The following MCCC1 variants were observed in gnomAD, a reference collection of about 807,000 sequenced individuals.
MCCC1 encodes methylcrotonoyl-CoA carboxylase subunit alpha, mitochondrial.
A neutral mutation model predicts 83.8 loss-of-function variants in MCCC1; 64 were observed. The observed-to-expected ratio is 0.76, with a 90% CI of 0.62 to 0.94. The LOEUF (loss-of-function observed/expected upper bound fraction) is 0.94, where lower values mean the gene tolerates loss of function less well. MCCC1 is among the 40% of genes least tolerant of loss of function. The pLI is 0.00. For missense variants in MCCC1, 807 were observed against 904.7 expected (o/e 0.89, Z 1.39); for synonymous variants, 322 against 315.4 (o/e 1.02, Z -0.22).
chr3:183,019,090 G>C (rs1485181225), intron 17 of MCCC1, among the ~76,000 whole-genome samples: 1 of 152,092 alleles, frequency 6.6e-6, no homozygotes, highest in Non-Finnish European at 1.5e-5. Flanking sequence ...TACCCACTTG[G>C]GGTAAATATT....
chr3:183,032,382 TG>T, intron 14 of MCCC1, among the ~76,000 whole-genome samples: 1 of 152,326 alleles, frequency 6.6e-6, no homozygotes, highest in Admixed American at 6.5e-5. Flanking sequence ...CTTCCAGATT[TG>T]GGGGGTTGTA....
chr3:183,100,807 G>A (rs1429972389), upstream of MCCC1, among the ~76,000 whole-genome samples: 2 of 152,374 alleles, frequency 1.3e-5, no homozygotes, highest in African/African-American at 4.8e-5. Context: ...CATTTGAGGA[G>A]CCCTTCAGTC....
chr3:183,062,169 C>T (rs1223044335), intron 7 of MCCC1, among the ~76,000 whole-genome samples: 1 of 152,074 alleles, frequency 6.6e-6, no homozygotes, highest in Non-Finnish European at 1.5e-5. Flanking sequence ...TATCCAGTTG[C>T]AGGTATGTCT....
intron 2 of MCCC1, 52 bp downstream of exon 2, chr3:183,094,507 A>T (rs1218389014): frequency 2.6e-6 from 4 of 1,564,158 alleles, no homozygotes; most frequent in Non-Finnish European, 3.5e-6. Flanking sequence ...CCCTTTCTTA[A>T]ACACTTCCAG....
chr3:183,049,455 C>T (rs2108492450), intron 9 of MCCC1, among the ~76,000 whole-genome samples: 1 of 151,786 alleles, frequency 6.6e-6, no homozygotes, highest in African/African-American at 2.4e-5. Flanking sequence ...CCTGTAGTTC[C>T]CAGCTACTCG....
chr3:183,070,843 C>T (rs960521572), intron 7 of MCCC1, among the ~76,000 whole-genome samples, 156 bp downstream of exon 7: 1 of 152,022 alleles, frequency 6.6e-6, no homozygotes, highest in African/African-American at 2.4e-5. Flanking sequence ...GAATGCATAC[C>T]ATCCTACAAT....
chr3:183,092,700 CT>C (rs1718457095), intron 2 of MCCC1, among the ~76,000 whole-genome samples, 155 bp from the exon 3 acceptor site: 1 of 152,050 alleles, frequency 6.6e-6, no homozygotes, highest in African/African-American at 2.4e-5. Flanking sequence ...ACCACTTTAA[CT>C]AATATTAGAC....
At chr3:183,103,819 C>T (rs1032594138), upstream of MCCC1, among the ~76,000 whole-genome samples, 12 of 152,172 alleles carry the variant, frequency 7.9e-5, no homozygotes, top group Admixed American at 5.2e-4. Flanking sequence ...CGGGAAGGCT[C>T]GGGCCGCACA....
chr3:183,020,326 A>C, intron 16 of MCCC1, 89 bp from the exon 17 acceptor site: 3 of 1,084,864 alleles, frequency 2.8e-6, no homozygotes, highest in Non-Finnish European at 2.8e-6. Flanking sequence ...GTTTCCCAGC[A>C]ATTTGTTAAA....
At position 183,092,363 on chromosome 3, in the gene MCCC1, G is replaced by A. The variant is rs577840453; in HGVS notation, c.273+46C>T. 6.1e-5 allele frequency: 99 copies of A among 1,612,918 alleles called. 1 individual carries two copies. In the South Asian group the frequency reaches 1.1e-3, roughly 18 times the overall value. ...CATAAAGAACGAAAATACTGACACA[G>A]TAAACGAATAAACGTAAGACGTGGC... On this transcript the variant is annotated intron_variant, in intron 3 of 18. Transcript: ENST00000265594.
At chr3:183,087,207 T>C (rs1717956923) in intron 3 of MCCC1, among the ~76,000 whole-genome samples, 1 of 152,246 alleles carries the variant, frequency 6.6e-6, no homozygotes, top group Non-Finnish European at 1.5e-5. Flanking sequence ...AAAGTTTATA[T>C]AATTATCAGA....
chr3:183,080,354 C>G (rs1026849573), intron 4 of MCCC1, among the ~76,000 whole-genome samples: 1 of 152,220 alleles, frequency 6.6e-6, no homozygotes, highest in Non-Finnish European at 1.5e-5. Flanking sequence ...TAAATCATCT[C>G]TCTCAAGTTT....
intron 1 of MCCC1, among the ~76,000 whole-genome samples, chr3:183,114,917 CA>C (rs1466800221): frequency 6.6e-6 from 1 of 152,172 alleles, no homozygotes; most frequent in Non-Finnish European, 1.5e-5. Context: ...CACAGTCCTG[CA>C]AACCAAGCTC....
rs750015240 is a variant in MCCC1, at chr3:183,041,580, A to G, written c.1254T>C (p.Thr418=). ...PRADPSTRIE[T]GVRQGDEVSV... is the part of the protein sequence containing the mutation. ...CTTTCACTTTACCTTGCCGTACTCC[A>G]GTTTCAATCCTGGTGGAAGGGTCTG... is the stretch of plus-strand genomic sequence containing the variant. The change falls in exon 11 of 19, where the codon ACT becomes ACC. Residue 418 remains threonine (T), a synonymous_variant. Coordinates refer to ENST00000265594, the MANE Select transcript of MCCC1 (RefSeq NM_020166.5). The G allele has an allele frequency of 1.9e-6, 3 of 1,614,084 alleles. No individual in the cohort carries two copies. In the South Asian group the frequency reaches 3.3e-5, roughly 18 times the overall value.
chr3:183,019,391 T>TCA (rs1358473983), intron 17 of MCCC1, among the ~76,000 whole-genome samples: 1 of 152,160 alleles, frequency 6.6e-6, no homozygotes, highest in African/African-American at 2.4e-5. Flanking sequence ...TAGCAGGTGA[T>TCA]TAGGTCATGA....
At position 183,068,555 on chromosome 3, in the gene MCCC1, C is replaced by T. The variant is rs534309042; in HGVS notation, c.761+2444G>A. Among the ~76,000 whole-genome samples the T allele has an allele frequency of 2.6e-5, 4 of 152,268 alleles. No homozygotes were observed. In the South Asian group the frequency reaches 8.3e-4, roughly 32 times the overall value. ...TGGGGCTGCTCTGTCTATGGAGTAG[C>T]CATTCTTTATTCCTTTACTTTCTTA... On this transcript the variant is annotated intron_variant, in intron 7 of 18. Coordinates refer to ENST00000265594, the MANE Select transcript of MCCC1 (RefSeq NM_020166.5).
rs146103367 is a variant in MCCC1, at chr3:183,061,298, G to C, written c.762-3876C>G. The stretch of plus-strand genomic sequence containing the variant: ...AGGTGAAATGGGAAGACTAAAGGGG[G>C]TTGTGGTTGGCTAACTACCTTCCCC... On this transcript the variant is annotated intron_variant, in intron 7 of 18. Transcript: ENST00000265594. Among the ~76,000 whole-genome samples the C allele has an allele frequency of 3.9e-3, 601 of 152,186 alleles. 1 individual carries two copies. Among genetic ancestry groups the C allele is most frequent in the African/African-American group, 0.014 (562 of 41,522 alleles).
chr3:183,020,667 G>T (rs1214790872), intron 16 of MCCC1, among the ~76,000 whole-genome samples: 1 of 151,834 alleles, frequency 6.6e-6, no homozygotes, highest in Non-Finnish European at 1.5e-5. Flanking sequence ...TAATACCAGG[G>T]TTCTAATCTA....
upstream of MCCC1, among the ~76,000 whole-genome samples, chr3:183,102,081 C>T (rs552863030): frequency 6.6e-6 from 1 of 152,320 alleles, no homozygotes; most frequent in African/African-American, 2.4e-5. Flanking sequence ...GTCAGTGAGA[C>T]CAAGAACCCA....
Sources: allele counts gnomAD v4.1 joint callset (sites outside exome capture counted in the v4.1 genomes callset), GRCh38; gene constraint gnomAD v4.1.1; transcripts MANE v1.5; gene names NCBI Gene and HGNC (gene_info 2026-07-23, HGNC 2026-07-21).